ALK: variants seen among roughly 807,000 people sequenced by gnomAD.
The protein encoded by ALK is ALK tyrosine kinase receptor.
A neutral mutation model predicts 163.1 loss-of-function variants in ALK; 74 were observed. The observed-to-expected ratio is 0.45, with a 90% CI of 0.38 to 0.55. ALK has a LOEUF of 0.55. Ranked by LOEUF, ALK falls within the 20% of genes least tolerant of loss-of-function variation. The pLI is 0.00. For synonymous variants in ALK, 960 were observed against 843.2 expected, an observed-to-expected ratio of 1.14 and a Z score of -2.40; for missense variants, 2,063 against 2,105.3, an observed-to-expected ratio of 0.98 and a Z score of 0.39.
Position 29,500,982 on chromosome 2 carries a change from T to A in ALK, c.1154+30933A>T, listed in dbSNP as rs532785020. On this transcript the variant is annotated intron_variant, in intron 4 of 28. Transcript: ENST00000389048. ...CCCACTATCAGCACTTGGTCTTGCTTCCTGCATTGCTGAGAAGGGAGACTG... is the reference window on the plus strand; with the variant it reads ...CCCACTATCAGCACTTGGTCTTGCTACCTGCATTGCTGAGAAGGGAGACTG... 2.6e-5 allele frequency among the ~76,000 whole-genome samples: 4 copies of A among 152,324 alleles called. No individual in the cohort carries two copies. In the South Asian group the frequency reaches 8.3e-4, roughly 32 times the overall value.
chr2:29,222,965 G>A (rs558294974), intron 20 of ALK, among the ~76,000 whole-genome samples: 30 of 152,300 alleles, frequency 2.0e-4, no homozygotes, highest in South Asian at 6.2e-4. Flanking sequence ...GATCACTGTG[G>A]GTACTGGCTG....
chr2:29,539,187 A>G (rs576293161), intron 3 of ALK, among the ~76,000 whole-genome samples: 1 of 152,304 alleles, frequency 6.6e-6, no homozygotes, highest in South Asian at 2.1e-4. Context: ...TGATGGCTAT[A>G]TATTTCTCAC....
In ALK at chr2:29,920,673, G is replaced by A; in HGVS notation, c.-14C>T. On this transcript the variant is annotated 5_prime_UTR_variant, in exon 1 of 29. Transcript: ENST00000389048. ...GATGGCTCCCATCCCGCCGGAGGAG[G>A]CCGTTTACACTGCTCTCCGGGCCCA... 1 of 1,533,392 alleles carries A rather than the reference G, an allele frequency of 6.5e-7. No homozygotes were observed. The highest frequency in any genetic ancestry group is 8.7e-7 in the Non-Finnish European group (1 of 1,146,402). The allele number at this position is 1,533,392 out of a possible 1,614,324, so 95.0% of individuals were successfully genotyped here. A position where few individuals can be genotyped will look rare whatever the true frequency, so the allele number is the denominator to read the frequency against.
chr2:29,695,986 C>A (rs891950910), intron 2 of ALK, among the ~76,000 whole-genome samples: 1 of 152,196 alleles, frequency 6.6e-6, no homozygotes, highest in Non-Finnish European at 1.5e-5. Flanking sequence ...ACCAGAAATA[C>A]CATTTGACCC....
intron 5 of ALK, among the ~76,000 whole-genome samples, chr2:29,381,897 T>C (rs1231820951): frequency 6.6e-6 from 1 of 152,232 alleles, no homozygotes; most frequent in Non-Finnish European, 1.5e-5. Flanking sequence ...TTGTCTTCTA[T>C]GGGAAGGAAA....
rs559493414 is a variant in ALK at position 29,492,102 on chromosome 2, G to A, written c.1154+39813C>T. Among the ~76,000 whole-genome samples the A allele has an allele frequency of 2.0e-5, 3 of 152,114 alleles. No homozygotes were observed. In the East Asian group the frequency reaches 5.8e-4, roughly 29 times the overall value. ...AGCTAATCATGAAAAATATCATCCTGGGTCTGGCTCAAAGAATATGCCATG... is the reference window on the plus strand; with the variant it reads ...AGCTAATCATGAAAAATATCATCCTAGGTCTGGCTCAAAGAATATGCCATG... On this transcript the variant is annotated intron_variant, in intron 4 of 28. Coordinates refer to ENST00000389048, the MANE Select transcript of ALK (RefSeq NM_004304.5).
chr2:29,268,446 G>A (rs1371095817), intron 11 of ALK, among the ~76,000 whole-genome samples: 1 of 152,208 alleles, frequency 6.6e-6, no homozygotes, highest in East Asian at 1.9e-4. Flanking sequence ...CTGGGCTTAT[G>A]CAGACGAAGC....
intron 3 of ALK, among the ~76,000 whole-genome samples, chr2:29,651,404 T>G (rs13400227): frequency 0.11 from 17,481 of 152,172 alleles, 2,217 homozygotes; most frequent in African/African-American, 0.32. Context: ...AATCTCTTGA[T>G]AGAGGGTCAT....
intron 5 of ALK, among the ~76,000 whole-genome samples, chr2:29,338,717 T>C (rs1330782151): frequency 6.6e-6 from 1 of 152,202 alleles, no homozygotes; most frequent in Non-Finnish European, 1.5e-5. Flanking sequence ...ACTTATTCAG[T>C]CTCCTCAAGA....
At chr2:29,214,206 C>T (rs1333776861) in intron 23 of ALK, 125 bp from the exon 24 acceptor site, 33 of 795,856 alleles carry the variant, frequency 4.1e-5, no homozygotes, top group Admixed American at 1.0e-4. Context: ...CCAGGGGCCT[C>T]GGCCCTGGCT....
intron 1 of ALK, among the ~76,000 whole-genome samples, chr2:29,782,368 G>C (rs1206172083): frequency 6.6e-6 from 1 of 152,100 alleles, no homozygotes; most frequent in Non-Finnish European, 1.5e-5. Context: ...GCTGTCTATG[G>C]TCCCCAAGCT....
intron 3 of ALK, among the ~76,000 whole-genome samples, chr2:29,583,985 CA>C (rs1674799292): frequency 6.6e-6 from 1 of 152,176 alleles, no homozygotes; most frequent in Non-Finnish European, 1.5e-5. Flanking sequence ...TGGCATAAAA[CA>C]AAAACAATTA....
intron 4 of ALK, among the ~76,000 whole-genome samples, chr2:29,407,726 C>A (rs1669619613): frequency 6.6e-6 from 1 of 152,214 alleles, no homozygotes; most frequent in Non-Finnish European, 1.5e-5. Context: ...TTGACCCCTG[C>A]AGCCTTTTCT....
intron 3 of ALK, among the ~76,000 whole-genome samples, chr2:29,554,596 C>CA (rs1558381841): frequency 6.6e-6 from 1 of 152,166 alleles, no homozygotes; most frequent in Non-Finnish European, 1.5e-5. Flanking sequence ...GAAGATCTGG[C>CA]AATGTTGGGC....
chr2:29,201,137 G>T (rs1669168544), intron 26 of ALK, among the ~76,000 whole-genome samples: 1 of 151,378 alleles, frequency 6.6e-6, no homozygotes, highest in African/African-American at 2.4e-5. Flanking sequence ...TGTGATAGAG[G>T]TTATGCTCTT....
intron 11 of ALK, among the ~76,000 whole-genome samples, chr2:29,266,195 C>G (rs1169777055): frequency 2.0e-5 from 3 of 152,204 alleles, no homozygotes. Flanking sequence ...CTATACCCCA[C>G]ACAAATCATT....
chr2:29,353,305 T>G (rs1281880718), intron 5 of ALK, among the ~76,000 whole-genome samples: 1 of 152,226 alleles, frequency 6.6e-6, no homozygotes, highest in Non-Finnish European at 1.5e-5. Flanking sequence ...GGCTGTGTGC[T>G]ACTCCAGGGG....
In ALK at chr2:29,665,003, C is replaced by CT. The variant is rs35885544; in HGVS notation, c.952+29846dup. ...AATACATCCTTTTTTTTCTTTTTTTCTTTTTTTTTTTTTTTGAGACCTGCT... is the reference window on the plus strand; with the variant it reads ...AATACATCCTTTTTTTTCTTTTTTTCTTTTTTTTTTTTTTTTGAGACCTGCT... On this transcript the variant is annotated intron_variant, in intron 3 of 28. Coordinates refer to ENST00000389048, the MANE Select transcript of ALK (RefSeq NM_004304.5). 4.2e-3 allele frequency among the ~76,000 whole-genome samples: 567 copies of CT among 133,708 alleles called. 2 individuals carry two copies. The highest frequency in any genetic ancestry group is 4.8e-3 in the East Asian group (22 of 4,630). The allele number at this position is 133,708 out of a possible 152,430, so 87.7% of individuals were successfully genotyped here.
intron 26 of ALK, among the ~76,000 whole-genome samples, chr2:29,200,779 A>ACATGTT (rs1287278719): frequency 8.8e-5 from 12 of 135,868 alleles, no homozygotes; most frequent in Non-Finnish European, 1.5e-4. Context: ...ATACGTATAT[A>ACATGTT]TATGTATATA....
Sources: allele counts gnomAD v4.1 joint callset (sites outside exome capture counted in the v4.1 genomes callset), GRCh38; gene constraint gnomAD v4.1.1; transcripts MANE v1.5; gene names NCBI Gene and HGNC (gene_info 2026-07-23, HGNC 2026-07-21).